Variants in PIBF1 observed in about 807,000 individuals in gnomAD.
PIBF1 encodes the protein progesterone-induced-blocking factor 1.
PIBF1 carries 90 observed loss-of-function variants against 112.5 expected under a neutral mutation model. The observed-to-expected ratio is 0.80, with a 90% CI of 0.67 to 0.95. The LOEUF is 0.95. Ranked by LOEUF, PIBF1 falls within the 40% of genes least tolerant of loss-of-function variation. PIBF1 has a pLI of 0.00. For synonymous variants in PIBF1, 301 were observed against 288.6 expected (o/e 1.04, Z -0.44); for missense variants, 915 against 852.3 (o/e 1.07, Z -0.92).
At chr13:72,906,606 G>A (rs1398551333) in intron 11 of PIBF1, among the ~76,000 whole-genome samples, 1 of 152,046 alleles carries the variant, frequency 6.6e-6, no homozygotes, top group East Asian at 1.9e-4. Flanking sequence ...CTAATATGGG[G>A]TACTAGAGGT....
intron 10 of PIBF1, among the ~76,000 whole-genome samples, chr13:72,865,205 T>C (rs1258040320): frequency 1.3e-5 from 2 of 152,186 alleles, no homozygotes; most frequent in African/African-American, 4.8e-5. Flanking sequence ...AAAGTTAATA[T>C]TTATTAAACT....
intron 17 of PIBF1, among the ~76,000 whole-genome samples, chr13:73,006,250 C>G (rs1209711769): frequency 6.6e-6 from 1 of 152,134 alleles, no homozygotes; most frequent in African/African-American, 2.4e-5. Flanking sequence ...AATGTAGACT[C>G]ATCTCACCAA....
chr13:72,978,975 G>T (rs1008020023), intron 16 of PIBF1, among the ~76,000 whole-genome samples: 1 of 152,082 alleles, frequency 6.6e-6, no homozygotes, highest in Non-Finnish European at 1.5e-5. Context: ...TGGGAGGAAC[G>T]CTTGAGGCTA....
chr13:72,783,275 AACTT>A (rs531581528), intron 1 of PIBF1, 144 bp from the exon 2 acceptor site: 16,541 of 498,122 alleles, frequency 0.033, 383 homozygotes, highest in Non-Finnish European at 0.043. Context: ...TTTGAGCATT[AACTT>A]AACTGCAATA....
chr13:72,805,142 TTTTG>T (rs756028414), intron 5 of PIBF1, among the ~76,000 whole-genome samples: 5 of 152,022 alleles, frequency 3.3e-5, no homozygotes, highest in Admixed American at 6.5e-5. Context: ...CTCAGCTAAT[TTTTG>T]TTTGTTTGTT....
chr13:72,839,824 A>G (rs1011019873), intron 9 of PIBF1, among the ~76,000 whole-genome samples: 24 of 152,262 alleles, frequency 1.6e-4, no homozygotes, highest in African/African-American at 5.5e-4. Context: ...GGAAACAACC[A>G]ACAGAGCCGT....
rs954073354 is a variant in PIBF1 at position 72,908,594 on chromosome 13, G to C, written c.1552G>C (p.Ala518Pro). Residue 518 changes from alanine to proline, a missense_variant, in exon 12 of 18, where the codon GCA becomes CCA. Transcript: ENST00000326291. ...SSEKRITELQ[A>P]QNSEHQARLD... Reference sequence around the variant, plus strand: ...TGAAAAACGCATTACTGAACTTCAAGCACAGAACTCAGAGCATCAAGCAAG... The same window carrying C: ...TGAAAAACGCATTACTGAACTTCAACCACAGAACTCAGAGCATCAAGCAAG... 2.6e-5 allele frequency: 42 copies of C among 1,612,978 alleles called. No individual in the cohort carries two copies. The highest frequency in any genetic ancestry group is 3.4e-5 in the Non-Finnish European group (40 of 1,179,198).
chr13:72,948,199 A>G (rs190839279), intron 14 of PIBF1, among the ~76,000 whole-genome samples: 2 of 152,254 alleles, frequency 1.3e-5, no homozygotes, highest in Admixed American at 6.5e-5. Flanking sequence ...CGTTCTGCAC[A>G]TGTATCCCAA....
intron 17 of PIBF1, among the ~76,000 whole-genome samples, chr13:73,009,953 G>A (rs1454065304): frequency 2.0e-5 from 3 of 152,120 alleles, no homozygotes; most frequent in African/African-American, 7.2e-5. Flanking sequence ...CCTTTTTAAT[G>A]CCAAAGTTTT....
At chr13:72,854,020 G>A (rs375483238) in intron 9 of PIBF1, 37 bp from the exon 10 acceptor site, 396 of 1,332,806 alleles carry the variant, frequency 3.0e-4, no homozygotes, top group Middle Eastern at 1.1e-3. Flanking sequence ...GATAAATCAC[G>A]CATTTGAAAT....
intron 13 of PIBF1, among the ~76,000 whole-genome samples, chr13:72,927,980 T>TATAC (rs2041559869): frequency 3.4e-5 from 2 of 58,348 alleles, no homozygotes; most frequent in African/African-American, 1.2e-4. Flanking sequence ...TATATATACA[T>TATAC]ATATATATAC....
rs1449452907 is a variant in PIBF1 at position 72,908,547 on chromosome 13, T to G, written c.1505T>G (p.Phe502Cys). Residue 502 changes from phenylalanine to cysteine, a missense_variant, in exon 12 of 18, where the codon TTT (phenylalanine) becomes TGT (cysteine). Phe to Cys is a radical substitution (Grantham distance 205). Coordinates refer to ENST00000326291, the MANE Select transcript of PIBF1 (RefSeq NM_006346.4). ...CACTATTAGGTTTTAACCAAAGAAT[T>G]TTATAGTCTCCAAGCCTCTTCTGAA... ...QKKLEVLTKE[F>C]YSLQASSEKR... 1.2e-6 allele frequency: 2 copies of G among 1,604,556 alleles called. No homozygotes were observed. Among genetic ancestry groups the G allele is most frequent in the South Asian group, 2.2e-5 (2 of 89,092 alleles).
intron 13 of PIBF1, among the ~76,000 whole-genome samples, chr13:72,925,064 A>G (rs1453700414): frequency 6.6e-6 from 1 of 152,202 alleles, no homozygotes; most frequent in Admixed American, 6.5e-5. Flanking sequence ...TGAAGGGCAA[A>G]TAAGGTTAGT....
At chr13:73,015,309 T>C (rs543255474) in intron 17 of PIBF1, among the ~76,000 whole-genome samples, 1 of 152,232 alleles carries the variant, frequency 6.6e-6, no homozygotes, top group Non-Finnish European at 1.5e-5. Context: ...GAACTTTGAC[T>C]GGAATCAGTG....
At position 72,936,713 on chromosome 13, in the gene PIBF1, G is replaced by A. The variant is rs564782803; in HGVS notation, c.1833+5446G>A. Among the ~76,000 whole-genome samples the A allele has an allele frequency of 2.6e-5, 4 of 152,166 alleles. No individual in the cohort carries two copies. In the South Asian group the frequency reaches 6.2e-4, roughly 24 times the overall value. On this transcript the variant is annotated intron_variant, in intron 14 of 17. Transcript: ENST00000326291. ...CTTTATAATATCTGGAAATCAGATAGTATTGGTCCTCCAATGCTGTTCATT... is the reference window on the plus strand; with the variant it reads ...CTTTATAATATCTGGAAATCAGATAATATTGGTCCTCCAATGCTGTTCATT...
chr13:72,895,727 A>ATCCAGATTGTGAATTTTAGC (rs144049423), intron 11 of PIBF1, among the ~76,000 whole-genome samples: 27,178 of 151,552 alleles, frequency 0.18, 2,669 homozygotes, highest in Non-Finnish European at 0.21. Context: ...TAGAAGGTTG[A>ATCCAGATTGTGAATTTTAGC]TCCAGATTGT....
intron 16 of PIBF1, among the ~76,000 whole-genome samples, chr13:72,996,747 A>G (rs2043686702): frequency 6.6e-6 from 1 of 152,132 alleles, no homozygotes; most frequent in South Asian, 2.1e-4. Flanking sequence ...AGCATGGACA[A>G]CAGAGCAAGA....
chr13:72,902,707 T>G (rs1318638897), intron 11 of PIBF1, among the ~76,000 whole-genome samples: 1 of 152,178 alleles, frequency 6.6e-6, no homozygotes, highest in East Asian at 1.9e-4. Context: ...AAGTTTTCAA[T>G]TAGCATATTA....
At chr13:72,915,635 T>TC (rs2041062664) in intron 12 of PIBF1, among the ~76,000 whole-genome samples, 1 of 152,328 alleles carries the variant, frequency 6.6e-6, no homozygotes, top group African/African-American at 2.4e-5. Context: ...CCAGTAGAGC[T>TC]TATTTGGAGA....
Sources: allele counts gnomAD v4.1 joint callset (sites outside exome capture counted in the v4.1 genomes callset), GRCh38; gene constraint gnomAD v4.1.1; transcripts MANE v1.5; gene names NCBI Gene and HGNC (gene_info 2026-07-23, HGNC 2026-07-21).